The following EIF3D variants were observed in gnomAD, a reference collection of about 807,000 sequenced individuals.
EIF3D encodes eukaryotic translation initiation factor 3 subunit D, also known as eIF3 p66.
In EIF3D, 10 loss-of-function variants were observed where a neutral mutation model predicts 75.4. The ratio of observed to expected loss-of-function variants is 0.13; its 90% CI spans 0.08 to 0.22. EIF3D has a LOEUF of 0.22. EIF3D is among the 10% of genes least tolerant of loss of function. EIF3D has a pLI of 1.00. For missense variants in EIF3D, 394 were observed against 708.0 expected (o/e 0.56, Z 5.03); for synonymous variants, 246 against 248.3 (o/e 0.99, Z 0.09).
At chr22:36,519,321 T>C (rs1603498895) in intron 8 of EIF3D, 84 bp downstream of exon 8, 3 of 1,571,890 alleles carry the variant, frequency 1.9e-6, no homozygotes, top group Non-Finnish European at 2.6e-6. Context: ...GTTATTCCCA[T>C]GTCTTCTGTT....
At chr22:36,521,498 G>A (rs1934512159) in intron 6 of EIF3D, among the ~76,000 whole-genome samples, 2 of 152,134 alleles carry the variant, frequency 1.3e-5, no homozygotes, top group Admixed American at 6.5e-5. Context: ...ACAAGCACAC[G>A]CAGGTGAACG....
At chr22:36,517,074 C>T in intron 10 of EIF3D, 1 of 624,376 alleles carries the variant, frequency 1.6e-6, no homozygotes, top group South Asian at 2.0e-5. Flanking sequence ...ATTTATTGTT[C>T]ACTGTGTTTC....
At chr22:36,513,423 C>T (rs1287364753) in intron 12 of EIF3D, among the ~76,000 whole-genome samples, 1 of 152,092 alleles carries the variant, frequency 6.6e-6, no homozygotes, top group East Asian at 1.9e-4. Context: ...CTACCTCAGC[C>T]TCCCTAGTAG....
chr22:36,524,023 T>G lies in EIF3D; in HGVS notation c.307-43A>C, dbSNP rs750601737. On this transcript the variant is annotated intron_variant, in intron 4 of 14. Coordinates refer to ENST00000216190, the MANE Select transcript of EIF3D (RefSeq NM_003753.4). ...ACATCCATGTTAAAATCTTGGAGAT[T>G]TGGCTCACAATAGGCAGAACAAGTG... is the stretch of plus-strand genomic sequence containing the variant. The G allele has an allele frequency of 3.1e-6, 5 of 1,604,938 alleles. No individual in the cohort carries two copies. In the East Asian group the frequency reaches 8.9e-5, roughly 29 times the overall value.
intron 7 of EIF3D, among the ~76,000 whole-genome samples, chr22:36,519,856 T>A (rs1197023035): frequency 6.6e-6 from 1 of 152,214 alleles, no homozygotes; most frequent in Non-Finnish European, 1.5e-5. Flanking sequence ...GGTTTCCCAC[T>A]ACCTAAATTC....
chr22:36,512,623 A>G (rs1177284813), intron 12 of EIF3D, 21 bp from the exon 13 acceptor site: 1 of 1,601,472 alleles, frequency 6.2e-7, no homozygotes, highest in East Asian at 2.2e-5. Flanking sequence ...GCCCCGTTAG[A>G]GAAACAGAAG....
chr22:36,524,476 C>A, intron 4 of EIF3D, 120 bp downstream of exon 4: 1 of 1,429,232 alleles, frequency 7.0e-7, no homozygotes, highest in South Asian at 1.3e-5. Context: ...ACCCGAGATT[C>A]ACGAAAAGAC....
intron 2 of EIF3D, 94 bp downstream of exon 2, chr22:36,525,905 G>A: frequency 6.6e-7 from 1 of 1,519,756 alleles, no homozygotes; most frequent in South Asian, 1.3e-5. Flanking sequence ...AAGAAATTCA[G>A]GAGTTAAGAT....
At chr22:36,524,787 T>C (rs742146) in intron 3 of EIF3D, 55 bp from the exon 4 acceptor site, 111,096 of 1,611,700 alleles carry the variant, frequency 0.069, 4,233 homozygotes, top group African/African-American at 0.15. Context: ...TTACCAGATA[T>C]GCACCAGTCT....
At chr22:36,526,499 T>A (rs1934603293) in intron 1 of EIF3D, among the ~76,000 whole-genome samples, 1 of 152,200 alleles carries the variant, frequency 6.6e-6, no homozygotes, top group African/African-American at 2.4e-5. Flanking sequence ...TCAGATTTGA[T>A]AAAATGTCCT....
chr22:36,517,235 A>T (rs1044445517), intron 10 of EIF3D, 66 bp downstream of exon 10: 5 of 1,607,912 alleles, frequency 3.1e-6, no homozygotes, highest in African/African-American at 1.3e-5. Context: ...AGCACAAAGC[A>T]GATGCTCCAC....
intron 13 of EIF3D, 99 bp from the exon 14 acceptor site, chr22:36,511,885 C>CTT: frequency 7.1e-7 from 1 of 1,415,504 alleles, no homozygotes; most frequent in Non-Finnish European, 9.3e-7. Flanking sequence ...TGGTCCACTG[C>CTT]TATTTTTTCT....
At chr22:36,528,979 G>A (rs1321412655) in intron 1 of EIF3D, 97 bp downstream of exon 1, 1 of 290,562 alleles carries the variant, frequency 3.4e-6, no homozygotes, top group African/African-American at 2.2e-5. Context: ...AGCAGGAAGG[G>A]ACTAAGAGAG....
At position 36,518,744 on chromosome 22, in the gene EIF3D, C is replaced by T. The variant is rs1934466741; in HGVS notation, c.859+19G>A. 1.2e-6 allele frequency: 2 copies of T among 1,613,340 alleles called. No homozygotes were observed. The highest frequency in any genetic ancestry group is 2.2e-5 in the South Asian group (2 of 91,056). ...AAATACTCAATGCCTTTGAGTTGCT[C>T]CCCAGGCACGCTTCTTACCAAAGTC... On this transcript the variant is annotated intron_variant, in intron 9 of 14. Coordinates refer to ENST00000216190, the MANE Select transcript of EIF3D (RefSeq NM_003753.4).
At chr22:36,528,507 G>A (rs1201510779) in intron 1 of EIF3D, among the ~76,000 whole-genome samples, 1 of 150,180 alleles carries the variant, frequency 6.7e-6, no homozygotes, top group Admixed American at 6.7e-5. Flanking sequence ...AGTCACAGGG[G>A]CAGGATAGGG....
chr22:36,517,931 A>G (rs1192378274), intron 9 of EIF3D, among the ~76,000 whole-genome samples: 1 of 151,970 alleles, frequency 6.6e-6, no homozygotes, highest in Non-Finnish European at 1.5e-5. Flanking sequence ...TATTTTTAGT[A>G]GAGACTGGGT....
chr22:36,517,288 C>A lies in EIF3D; in HGVS notation c.990+13G>T, dbSNP rs1200792302. 1 of 1,613,778 alleles carries A rather than the reference C, an allele frequency of 6.2e-7. No homozygotes were observed. Among genetic ancestry groups the A allele is most frequent in the Non-Finnish European group, 8.5e-7 (1 of 1,179,840 alleles). ...ATAAGAATGAATCAATGCCCAGAGA[C>A]TCGTTTCCTCACCATTCTCAAGCAC... On this transcript the variant is annotated intron_variant, in intron 10 of 14. Coordinates refer to ENST00000216190, the MANE Select transcript of EIF3D (RefSeq NM_003753.4).
At chr22:36,512,332 C>T in intron 13 of EIF3D, 128 bp downstream of exon 13, 2 of 1,368,626 alleles carry the variant, frequency 1.5e-6, no homozygotes, top group Admixed American at 2.1e-5. Context: ...ACCCCTCCAT[C>T]TCTACCCCAC....
chr22:36,521,789 A>G (rs1934518063), intron 6 of EIF3D, among the ~76,000 whole-genome samples: 1 of 151,188 alleles, frequency 6.6e-6, no homozygotes, highest in Non-Finnish European at 1.5e-5. Context: ...AAAAAAAAAA[A>G]AGCCAGACAT....
Sources: allele counts gnomAD v4.1 joint callset (sites outside exome capture counted in the v4.1 genomes callset), GRCh38; gene constraint gnomAD v4.1.1; transcripts MANE v1.5; gene names NCBI Gene and HGNC (gene_info 2026-07-23, HGNC 2026-07-21).